Variants in HSD17B4 observed in about 807,000 individuals in gnomAD.
HSD17B4 encodes hydroxysteroid 17-beta dehydrogenase 4.
HSD17B4 carries 70 observed loss-of-function variants against 101.0 expected under a neutral mutation model. That is an observed-to-expected ratio of 0.69 (90% CI 0.57 to 0.85). The LOEUF (loss-of-function observed/expected upper bound fraction) is 0.85. Ranked by LOEUF, HSD17B4 falls within the 40% of genes least tolerant of loss-of-function variation. The pLI, the probability that HSD17B4 is intolerant of heterozygous loss-of-function variation, is 0.00. For synonymous variants in HSD17B4, 347 were observed against 297.1 expected (o/e 1.17, Z -1.73); for missense variants, 984 against 892.4 (o/e 1.10, Z -1.31).
rs148363262 is a variant in HSD17B4, at chr5:119,452,631, C to A, written c.56C>A (p.Ala19Glu). 3.1e-6 allele frequency: 5 copies of A among 1,613,756 alleles called. No homozygotes were observed. The highest frequency in any genetic ancestry group is 3.4e-6 in the Non-Finnish European group (4 of 1,179,974). The change falls in exon 1 of 24, where the codon GCA becomes GAA. Residue 19 changes from alanine (A) to glutamate (E), a missense_variant and splice_region_variant. Coordinates refer to ENST00000510025, the MANE Select transcript of HSD17B4 (RefSeq NM_000414.4). ...GRVVLVTGAG[A>E]GLGRAYALAF... is the part of the protein sequence containing the mutation. ...GTGGTACTGGTCACCGGCGCGGGGG[C>A]AGGTGAGCATGCGAAGGTTGGAGGC...
chr5:119,488,247 C>T (rs911162572), intron 8 of HSD17B4, among the ~76,000 whole-genome samples: 2 of 152,010 alleles, frequency 1.3e-5, no homozygotes, highest in African/African-American at 4.8e-5. Context: ...GGCTCAGGTT[C>T]CTAAGTTGCT....
intron 23 of HSD17B4, among the ~76,000 whole-genome samples, chr5:119,537,829 G>C (rs1296563529): frequency 6.6e-6 from 1 of 152,092 alleles, no homozygotes; most frequent in Non-Finnish European, 1.5e-5. Context: ...CACTAGATCT[G>C]GTTCTCCAGC....
intron 2 of HSD17B4, among the ~76,000 whole-genome samples, chr5:119,469,728 A>G (rs763454564): frequency 6.6e-6 from 1 of 152,140 alleles, no homozygotes; most frequent in South Asian, 2.1e-4. Flanking sequence ...TTCCCCTTTT[A>G]TGAATTAACT....
intron 17 of HSD17B4, among the ~76,000 whole-genome samples, chr5:119,520,073 G>A (rs1325320060): frequency 1.3e-5 from 2 of 151,630 alleles, no homozygotes; most frequent in Non-Finnish European, 2.9e-5. Context: ...GTGGGTGAAA[G>A]TTTCAGATAA....
chr5:119,496,437 C>A, intron 11 of HSD17B4, 106 bp from the exon 12 acceptor site: 1 of 730,650 alleles, frequency 1.4e-6, no homozygotes, highest in East Asian at 2.6e-5. Context: ...GGCTCTGTAG[C>A]AGGTTTGCTG....
At chr5:119,461,570 C>G (rs762128710) in intron 2 of HSD17B4, among the ~76,000 whole-genome samples, 2 of 152,046 alleles carry the variant, frequency 1.3e-5, no homozygotes, top group African/African-American at 4.8e-5. Context: ...TTTATCGGAT[C>G]TAAGTGTGTT....
intron 1 of HSD17B4, among the ~76,000 whole-genome samples, chr5:119,453,419 A>G (rs1754281558): frequency 6.6e-6 from 1 of 152,196 alleles, no homozygotes; most frequent in South Asian, 2.1e-4. Flanking sequence ...CCCATTTTTT[A>G]AAGTACAAAA....
At chr5:119,519,275 T>A (rs528198308) in intron 17 of HSD17B4, among the ~76,000 whole-genome samples, 26 of 152,386 alleles carry the variant, frequency 1.7e-4, no homozygotes, top group African/African-American at 6.0e-4. Context: ...ATGTCAGGCT[T>A]TGTATTTGAG....
intron 17 of HSD17B4, among the ~76,000 whole-genome samples, chr5:119,517,620 C>A (rs2126845684): frequency 6.6e-6 from 1 of 152,354 alleles, no homozygotes; most frequent in African/African-American, 2.4e-5. Flanking sequence ...GTAAATACAC[C>A]AATGGGCACT....
In HSD17B4 at chr5:119,452,614, G is replaced by T. The variant is rs763266528; in HGVS notation, c.39G>T (p.Leu13=). The T allele has an allele frequency of 7.4e-6, 12 of 1,613,872 alleles. No homozygotes were observed. The highest frequency in any genetic ancestry group is 2.2e-5 in the East Asian group (1 of 44,862). Residue 13 remains leucine (L), a synonymous_variant, in exon 1 of 24, where the codon CTG becomes CTT. Coordinates refer to ENST00000510025, the MANE Select transcript of HSD17B4 (RefSeq NM_000414.4). ...SPLRFDGRVV[L]VTGAGAGLGR... is the part of the protein sequence containing the mutation. ...TGAGGTTCGACGGGCGGGTGGTACTGGTCACCGGCGCGGGGGCAGGTGAGC... is the reference window on the plus strand; with the variant it reads ...TGAGGTTCGACGGGCGGGTGGTACTTGTCACCGGCGCGGGGGCAGGTGAGC...
chr5:119,471,795 A>G, intron 2 of HSD17B4: 1 of 656,520 alleles, frequency 1.5e-6, no homozygotes, highest in Non-Finnish European at 2.6e-6. Flanking sequence ...ATTTTTTCAT[A>G]AATTATTGTG....
intron 2 of HSD17B4, among the ~76,000 whole-genome samples, chr5:119,462,248 A>ATTTTTTT (rs10524491): frequency 0.024 from 735 of 30,068 alleles, 112 homozygotes; most frequent in Non-Finnish European, 0.038. Context: ...AACAAATGTG[A>ATTTTTTT]TTTTTTTTTT....
intron 2 of HSD17B4, among the ~76,000 whole-genome samples, chr5:119,467,379 G>T (rs1755914263): frequency 6.6e-6 from 1 of 152,204 alleles, no homozygotes; most frequent in African/African-American, 2.4e-5. Flanking sequence ...CCAATGCCAT[G>T]AGTGAGGTAT....
intron 16 of HSD17B4, 121 bp from the exon 17 acceptor site, chr5:119,514,854 TAAACCC>T: frequency 1.5e-6 from 1 of 679,548 alleles, no homozygotes; most frequent in Admixed American, 2.3e-5. Flanking sequence ...TGATTTTTTT[TAAACCC>T]TTTTATCCAA....
rs187666991 is a variant in HSD17B4 at position 119,513,572 on chromosome 5, C to T, written c.1438-1409C>T. On this transcript the variant is annotated intron_variant, in intron 16 of 23. Transcript: ENST00000510025. Reference sequence around the variant, plus strand: ...CTAATTTTTGTATTTTCAGTAGAGACGGGGTTTCACCATGTTGGCCAGGCT... The same window carrying T: ...CTAATTTTTGTATTTTCAGTAGAGATGGGGTTTCACCATGTTGGCCAGGCT... 3.6e-4 allele frequency among the ~76,000 whole-genome samples: 55 copies of T among 152,178 alleles called. 1 individual carries two copies. The highest frequency in any genetic ancestry group is 1.0e-3 in the Admixed American group (16 of 15,290).
At chr5:119,512,177 A>G (rs1427991718) in intron 16 of HSD17B4, among the ~76,000 whole-genome samples, 2 of 152,166 alleles carry the variant, frequency 1.3e-5, no homozygotes, top group African/African-American at 4.8e-5. Flanking sequence ...AGAGAGAACC[A>G]CAGTGAAGAA....
At chr5:119,508,494 A>T (rs1350566180) in intron 15 of HSD17B4, among the ~76,000 whole-genome samples, 1 of 152,248 alleles carries the variant, frequency 6.6e-6, no homozygotes, top group African/African-American at 2.4e-5. Context: ...GCAGAGCTAG[A>T]TATGAAACAG....
At chr5:119,462,043 TA>T (rs1304620919) in intron 2 of HSD17B4, among the ~76,000 whole-genome samples, 3 of 151,736 alleles carry the variant, frequency 2.0e-5, no homozygotes, top group Middle Eastern at 3.4e-3. Context: ...AGATTTATGT[TA>T]AAAAAAACCC....
chr5:119,524,327 A>G (rs571880551), intron 17 of HSD17B4, among the ~76,000 whole-genome samples: 1 of 152,282 alleles, frequency 6.6e-6, no homozygotes, highest in African/African-American at 2.4e-5. Context: ...CTTGTTAAAA[A>G]TAATCAGTAG....
Sources: allele counts gnomAD v4.1 joint callset (sites outside exome capture counted in the v4.1 genomes callset), GRCh38; gene constraint gnomAD v4.1.1; transcripts MANE v1.5; gene names NCBI Gene and HGNC (gene_info 2026-07-23, HGNC 2026-07-21).